Variants in SETBP1 observed in about 807,000 individuals in gnomAD.
The protein encoded by SETBP1 is SET-binding protein.
SETBP1 carries 9 observed loss-of-function variants against 101.0 expected under a neutral mutation model. The ratio of observed to expected loss-of-function variants is 0.09; its 90% confidence interval spans 0.05 to 0.16. SETBP1 has a LOEUF of 0.16. Among genes scored for constraint, SETBP1 ranks in the 10% least tolerant of loss-of-function variants. The pLI is 1.00. For synonymous variants in SETBP1, 818 were observed against 788.5 expected (o/e 1.04, Z -0.63); for missense variants, 1,858 against 2,033.8 (o/e 0.91, Z 1.66).
At chr18:44,876,909 A>C in intron 3 of SETBP1, 3 of 1,369,758 alleles carry the variant, frequency 2.2e-6, no homozygotes, top group Non-Finnish European at 2.8e-6. Flanking sequence ...TGGGTCTAAA[A>C]GATAATCCAA....
rs755503153 is a variant in SETBP1 at position 44,701,852 on chromosome 18, G to T, written c.486+20G>T. 15 of 1,608,806 alleles carry T rather than the reference G, an allele frequency of 9.3e-6. No homozygotes were observed. The highest frequency in any genetic ancestry group is 6.7e-5 in the Admixed American group (4 of 59,804). ...AAGAAGGTAGGAAGCCCTGTCTTAT[G>T]GTTGTTTTTGTTTGTTTCTCTGTTT... On this transcript the variant is annotated intron_variant, in intron 2 of 5. Coordinates refer to ENST00000649279, the MANE Select transcript of SETBP1 (RefSeq NM_015559.3).
intron 1 of SETBP1, among the ~76,000 whole-genome samples, chr18:44,690,215 C>A (rs2068906560): frequency 6.6e-6 from 1 of 152,148 alleles, no homozygotes; most frequent in Non-Finnish European, 1.5e-5. Flanking sequence ...AAACAAGATT[C>A]AGTAACAAGA....
chr18:44,937,164 C>T (rs1164111294), intron 3 of SETBP1, among the ~76,000 whole-genome samples: 2 of 152,148 alleles, frequency 1.3e-5, no homozygotes, highest in African/African-American at 4.8e-5. Context: ...TTAAGATAGG[C>T]ACTACTGGCC....
At chr18:45,042,146 CTTTTTTTTTT>C (rs556269689) in intron 5 of SETBP1, among the ~76,000 whole-genome samples, 1 of 82,690 alleles carries the variant, frequency 1.2e-5, no homozygotes, top group Non-Finnish European at 2.3e-5. Context: ...CTTGAAACTG[CTTTTTTTTTT>C]TTTTTTTTTT....
rs186199112 is a variant in SETBP1 at position 44,835,662 on chromosome 18, C to T, written c.487-33568C>T. 3.3e-4 allele frequency among the ~76,000 whole-genome samples: 51 copies of T among 152,268 alleles called. 1 individual carries two copies. The highest frequency in any genetic ancestry group is 2.9e-3 in the Admixed American group (45 of 15,296). On this transcript the variant is annotated intron_variant, in intron 2 of 5. Transcript: ENST00000649279. Reference sequence around the variant, plus strand: ...TAGGGATCCACCTTGTCTGGCTGCTCAATGTTTCTTTCCCATAGGAAGATG... The same window carrying T: ...TAGGGATCCACCTTGTCTGGCTGCTTAATGTTTCTTTCCCATAGGAAGATG...
At chr18:44,943,160 G>A (rs989655660) in intron 3 of SETBP1, among the ~76,000 whole-genome samples, 29 of 152,182 alleles carry the variant, frequency 1.9e-4, no homozygotes, top group Non-Finnish European at 1.3e-4. Flanking sequence ...GCAAAAGATG[G>A]AATGTGCATT....
chr18:44,923,606 C>T (rs867620192), intron 3 of SETBP1, among the ~76,000 whole-genome samples: 5 of 152,242 alleles, frequency 3.3e-5, no homozygotes, highest in Admixed American at 6.5e-5. Flanking sequence ...CAGGGTTATT[C>T]CATTTGGGGG....
At chr18:44,933,136 G>C (rs1274705938) in intron 3 of SETBP1, among the ~76,000 whole-genome samples, 2 of 152,188 alleles carry the variant, frequency 1.3e-5, no homozygotes, top group Non-Finnish European at 2.9e-5. Context: ...GTTTTGGTGT[G>C]GGTGTCCTTT....
In SETBP1 at chr18:44,689,399, C is replaced by A. The variant is rs187568750; in HGVS notation, c.-173+8378C>A. On this transcript the variant is annotated intron_variant, in intron 1 of 5. Transcript: ENST00000649279. The stretch of plus-strand genomic sequence containing the variant: ...TCTGTCCACAGTGAGAAGGATAAAA[C>A]CCAGGGCCCTCTATGTCAGACTCAA... Among the ~76,000 whole-genome samples, 669 of 152,304 alleles carry A rather than the reference C, an allele frequency of 4.4e-3. 4 individuals are homozygous for A. The highest frequency in any genetic ancestry group is 0.014 in the African/African-American group (595 of 41,548).
rs1250407719 is a variant in SETBP1 at position 44,952,591 on chromosome 18, C to G, written c.3251C>G (p.Pro1084Arg). Reference protein sequence around the residue: ...YLSHTLGAASPFMRPTVPPPQ... With the variant: ...YLSHTLGAASRFMRPTVPPPQ... ...TCGCACACGCTTGGAGCAGCTTCCC[C>G]ATTCATGAGGCCAACAGTGCCACCA... Residue 1084 changes from proline (P) to arginine (R), a missense_variant, in exon 4 of 6, where the codon CCA (proline) becomes CGA (arginine). Transcript: ENST00000649279. The G allele has an allele frequency of 6.2e-7, 1 of 1,613,794 alleles. No homozygotes were observed.
At chr18:44,820,154 T>C (rs1245743648) in intron 2 of SETBP1, among the ~76,000 whole-genome samples, 1 of 152,210 alleles carries the variant, frequency 6.6e-6, no homozygotes, top group Non-Finnish European at 1.5e-5. Flanking sequence ...AGGCTGGGCT[T>C]GGAGCCACCC....
chr18:45,031,909 G>C (rs111286251), intron 4 of SETBP1, among the ~76,000 whole-genome samples: 3 of 152,310 alleles, frequency 2.0e-5, no homozygotes, highest in African/African-American at 7.2e-5. Flanking sequence ...TTTCCCAGCT[G>C]CCTTTCCAGG....
intron 4 of SETBP1, among the ~76,000 whole-genome samples, chr18:44,972,214 T>C (rs2071880723): frequency 1.3e-5 from 2 of 152,220 alleles, no homozygotes; most frequent in African/African-American, 4.8e-5. Flanking sequence ...CTGAGGGCTC[T>C]GTCCTGTTCC....
At position 44,952,423 on chromosome 18, in the gene SETBP1, C is replaced by G. The variant is rs201528994; in HGVS notation, c.3083C>G (p.Thr1028Ser). ...KRGRPAKTND[T>S]MTKVPFLQGF... is the part of the protein sequence containing the mutation. The stretch of plus-strand genomic sequence containing the variant: ...GGTAGGCCTGCAAAAACCAATGACA[C>G]CATGACAAAGGTGCCTTTTTTACAA... Residue 1028 changes from threonine to serine, a missense_variant, in exon 4 of 6, where the codon ACC becomes AGC. Physicochemically the swap from Thr to Ser is moderately conservative, Grantham distance 58. This residue lies in a region of SETBP1 where 255 missense variants were observed against 300.1 expected (regional missense o/e 0.85). Transcript: ENST00000649279. 8.7e-6 allele frequency: 14 copies of G among 1,614,106 alleles called. No individual in the cohort carries two copies. In the South Asian group the frequency reaches 1.5e-4, roughly 18 times the overall value.
intron 2 of SETBP1, among the ~76,000 whole-genome samples, chr18:44,721,978 A>T (rs1278524886): frequency 6.6e-6 from 1 of 152,138 alleles, no homozygotes; most frequent in East Asian, 1.9e-4. Context: ...GCATATTGTC[A>T]CTTGTTTGCC....
intron 2 of SETBP1, among the ~76,000 whole-genome samples, chr18:44,737,261 C>A (rs2069989082): frequency 6.6e-6 from 1 of 152,198 alleles, no homozygotes; most frequent in African/African-American, 2.4e-5. Context: ...GCACAAACTT[C>A]TTGGCTGACT....
chr18:44,990,937 A>G (rs1361678480), intron 4 of SETBP1, among the ~76,000 whole-genome samples: 1 of 150,868 alleles, frequency 6.6e-6, no homozygotes, highest in Non-Finnish European at 1.5e-5. Context: ...GAAAAAAAAA[A>G]AAAAAAAAAA....
rs559118813 is a variant in SETBP1 at position 45,032,541 on chromosome 18, A to G, written c.4001-5944A>G. ...TCATTCATCTCTTCACTCATCCTAGAATGAAGTAAAACTTATTTGACATAA... is the reference window on the plus strand; with the variant it reads ...TCATTCATCTCTTCACTCATCCTAGGATGAAGTAAAACTTATTTGACATAA... On this transcript the variant is annotated intron_variant, in intron 4 of 5. Transcript: ENST00000649279. Among the ~76,000 whole-genome samples the G allele has an allele frequency of 5.3e-5, 8 of 152,192 alleles. 1 individual carries two copies. Among genetic ancestry groups the G allele is most frequent in the Non-Finnish European group, 1.0e-4 (7 of 68,034 alleles).
intron 2 of SETBP1, among the ~76,000 whole-genome samples, chr18:44,765,183 G>C (rs1189459189): frequency 6.6e-6 from 1 of 152,080 alleles, no homozygotes; most frequent in Non-Finnish European, 1.5e-5. Flanking sequence ...CTTGTGTGTT[G>C]AATGGGTGCT....
Sources: gnomAD v4.1 joint callset for allele counts (sites outside exome capture counted in the v4.1 genomes callset) on GRCh38, gnomAD v4.1.1 for gene constraint, gnomAD v4.1.1 regional missense constraint, MANE v1.5 for transcripts, NCBI Gene and HGNC (gene_info 2026-07-23, HGNC 2026-07-21) for gene names.